DGLUCY: variants seen among roughly 807,000 people sequenced by gnomAD.
DGLUCY encodes the protein D-glutamate cyclase.
Under a neutral mutation model 58.5 loss-of-function variants are expected in DGLUCY, and 58 were observed. The ratio of observed to expected loss-of-function variants is 0.99; its 90% confidence interval spans 0.80 to 1.23. DGLUCY has a LOEUF of 1.23. Ranked by LOEUF, DGLUCY falls within the 50% of genes most tolerant of loss-of-function variation. The probability of loss-of-function intolerance (pLI) is 0.00; values close to 1 mark genes in which losing one functional copy is unlikely to be tolerated. For missense variants in DGLUCY, 779 were observed against 784.7 expected (o/e 0.99, Z 0.09); for synonymous variants, 325 against 314.1 (o/e 1.03, Z -0.37).
At chr14:91,196,508 T>G in intron 10 of DGLUCY, 34 bp downstream of exon 10, 1 of 1,562,646 alleles carries the variant, frequency 6.4e-7, no homozygotes, top group Non-Finnish European at 8.8e-7. Flanking sequence ...AAGTGGCGGA[T>G]GGTGGAAACG....
intron 1 of DGLUCY, among the ~76,000 whole-genome samples, chr14:91,122,029 AT>A (rs1164288474): frequency 2.0e-5 from 3 of 152,138 alleles, no homozygotes; most frequent in Non-Finnish European, 2.9e-5. Flanking sequence ...TAGCAGTTGT[AT>A]TTAGTGGAGA....
At chr14:91,180,571 CAAA>C (rs1212639674) in intron 7 of DGLUCY, among the ~76,000 whole-genome samples, 7 of 86,128 alleles carry the variant, frequency 8.1e-5, no homozygotes, top group African/African-American at 1.3e-4. Flanking sequence ...GACTCCATCT[CAAA>C]AAAAAAAAAA....
At chr14:91,100,659 GT>G (rs1241406346) in intron 1 of DGLUCY, among the ~76,000 whole-genome samples, 1 of 152,142 alleles carries the variant, frequency 6.6e-6, no homozygotes, top group African/African-American at 2.4e-5. Context: ...ATAAGGTGTG[GT>G]CCCCAGACCA....
chr14:91,089,647 C>T (rs1012567403), intron 1 of DGLUCY, among the ~76,000 whole-genome samples: 3 of 151,974 alleles, frequency 2.0e-5, no homozygotes, highest in African/African-American at 4.8e-5. Context: ...CATGTGAAAT[C>T]CCATCTCTAC....
chr14:91,111,198 A>ATGTG (rs1201886405), upstream of DGLUCY, among the ~76,000 whole-genome samples: 545 of 32,636 alleles, frequency 0.017, 8 homozygotes, highest in South Asian at 0.05. Flanking sequence ...TTTTATTTAT[A>ATGTG]TATATGTGTG....
At chr14:91,094,102 T>C (rs533842489) in intron 1 of DGLUCY, among the ~76,000 whole-genome samples, 2 of 152,164 alleles carry the variant, frequency 1.3e-5, no homozygotes, top group Non-Finnish European at 2.9e-5. Flanking sequence ...GTGCATCTTA[T>C]GTTATGTGCA....
chr14:91,163,022 C>A (rs1270280156), intron 3 of DGLUCY, among the ~76,000 whole-genome samples: 1 of 152,128 alleles, frequency 6.6e-6, no homozygotes, highest in Non-Finnish European at 1.5e-5. Context: ...CTTTGGGAGG[C>A]CGAGGCCAGC....
At chr14:91,186,288 C>T (rs1315175215) in intron 8 of DGLUCY, among the ~76,000 whole-genome samples, 1 of 152,068 alleles carries the variant, frequency 6.6e-6, no homozygotes, top group Admixed American at 6.6e-5. Flanking sequence ...GCTCTGTCAC[C>T]CAGGCTGGAG....
chr14:91,148,134 G>A (rs544553064), intron 1 of DGLUCY, among the ~76,000 whole-genome samples: 12 of 152,132 alleles, frequency 7.9e-5, no homozygotes, highest in Non-Finnish European at 1.2e-4. Context: ...AGATTGCACC[G>A]CTGCACTCCA....
intron 1 of DGLUCY, among the ~76,000 whole-genome samples, chr14:91,089,072 C>T (rs1049629450): frequency 6.6e-6 from 1 of 152,228 alleles, no homozygotes; most frequent in Non-Finnish European, 1.5e-5. Context: ...CCATTCCGCA[C>T]CAGTTGCCCC....
At chr14:91,175,663 C>T (rs952357484) in intron 6 of DGLUCY, 5 of 352,142 alleles carry the variant, frequency 1.4e-5, no homozygotes, top group Non-Finnish European at 2.8e-5. Context: ...GAGTACTAGG[C>T]TCAATGCACC....
At position 91,074,110 on chromosome 14, in the gene DGLUCY, T is replaced by A. The variant is rs1319278551; in HGVS notation, c.-82+13406T>A. ...ATCTCTACCAAAAAAAAAAAATATA[T>A]ATATATATACACACACACACACACA... is the stretch of plus-strand genomic sequence containing the variant. On this transcript the variant is annotated intron_variant, in intron 1 of 4. Coordinates refer to the DGLUCY transcript ENST00000521334. Among the ~76,000 whole-genome samples the A allele has an allele frequency of 2.7e-3, 169 of 62,842 alleles. 3 individuals are homozygous for A. The highest frequency in any genetic ancestry group is 9.0e-3 in the African/African-American group (162 of 18,014). 41.2% of individuals were successfully genotyped at this position (62,842 alleles called of 152,430 possible). A position where few individuals can be genotyped will look rare whatever the true frequency, so the allele number is the denominator to read the frequency against.
intron 12 of DGLUCY, among the ~76,000 whole-genome samples, chr14:91,212,747 A>T (rs1393135050): frequency 1.3e-5 from 2 of 151,456 alleles, no homozygotes; most frequent in African/African-American, 2.4e-5. Flanking sequence ...TCACACCTGT[A>T]ATCCCAGCAC....
At chr14:91,128,481 G>A (rs1014670810) in intron 1 of DGLUCY, among the ~76,000 whole-genome samples, 1 of 151,924 alleles carries the variant, frequency 6.6e-6, no homozygotes, top group Non-Finnish European at 1.5e-5. Flanking sequence ...GTGACAGAGC[G>A]AGACTCTGTC....
chr14:91,186,133 C>G (rs2049502179), intron 8 of DGLUCY, among the ~76,000 whole-genome samples: 1 of 152,106 alleles, frequency 6.6e-6, no homozygotes. Context: ...AATGTATTTA[C>G]CAATTTACAG....
At chr14:91,195,732 G>A (rs1247652260) in intron 9 of DGLUCY, among the ~76,000 whole-genome samples, 4 of 149,208 alleles carry the variant, frequency 2.7e-5, no homozygotes, top group Admixed American at 6.7e-5. Context: ...GTGCAGTGGC[G>A]TGATCTCGGC....
At chr14:91,135,392 A>G (rs1158896441) in intron 1 of DGLUCY, among the ~76,000 whole-genome samples, 1 of 152,232 alleles carries the variant, frequency 6.6e-6, no homozygotes, top group African/African-American at 2.4e-5. Context: ...GCTCACGCCT[A>G]TAATCCCAGA....
intron 1 of DGLUCY, among the ~76,000 whole-genome samples, chr14:91,093,210 A>G (rs1036177425): frequency 6.6e-6 from 1 of 152,170 alleles, no homozygotes; most frequent in Non-Finnish European, 1.5e-5. Context: ...ATAATTAATA[A>G]TATATTATTG....
At chr14:91,092,101 C>T (rs1032218310) in intron 1 of DGLUCY, among the ~76,000 whole-genome samples, 3 of 152,200 alleles carry the variant, frequency 2.0e-5, no homozygotes, top group Admixed American at 6.5e-5. Context: ...GCCTATGCTT[C>T]AAGCCAGACT....
Sources: gnomAD v4.1 joint callset for allele counts (sites outside exome capture counted in the v4.1 genomes callset) on GRCh38, gnomAD v4.1.1 for gene constraint, MANE v1.5 for transcripts, NCBI Gene and HGNC (gene_info 2026-07-23, HGNC 2026-07-21) for gene names.